Variants in ZNF507 observed in about 807,000 individuals in gnomAD.
The protein encoded by ZNF507 is zinc finger protein 507.
In ZNF507, 29 loss-of-function variants were observed where a neutral mutation model predicts 80.0. The observed-to-expected ratio is 0.36, with a 90% CI of 0.27 to 0.49. The LOEUF (loss-of-function observed/expected upper bound fraction) is 0.49. Among genes scored for constraint, ZNF507 ranks in the 20% least tolerant of loss-of-function variants. The pLI, the probability that ZNF507 is intolerant of heterozygous loss-of-function variation, is 0.98. For synonymous variants in ZNF507, 462 were observed against 422.5 expected (o/e 1.09, Z -1.15); for missense variants, 1,081 against 1,152.2 (o/e 0.94, Z 0.90).
rs1967230032 is a variant in ZNF507, at chr19:32,354,859, A to G, written c.2029A>G (p.Ile677Val). The change falls in exon 3 of 7, where the codon ATA (isoleucine) becomes GTA (valine). Residue 677 changes from isoleucine (I) to valine (V), a missense_variant. Coordinates refer to ENST00000355898, the MANE Select transcript of ZNF507 (RefSeq NM_001136156.2). ...TTATCAGTGTCCTATCTGCGAGCACATAGCGGACAACAGCAAAGATTTGGA... is the reference window on the plus strand; with the variant it reads ...TTATCAGTGTCCTATCTGCGAGCACGTAGCGGACAACAGCAAAGATTTGGA... ...QPYQCPICEH[I>V]ADNSKDLESH... is the part of the protein sequence containing the mutation. The G allele has an allele frequency of 3.7e-6, 6 of 1,614,206 alleles. No individual in the cohort carries two copies. Among genetic ancestry groups the G allele is most frequent in the Non-Finnish European group, 5.1e-6 (6 of 1,180,018 alleles).
In ZNF507 at chr19:32,354,317, C is replaced by T; in HGVS notation, c.1487C>T (p.Ala496Val). 1 of 1,614,154 alleles carries T rather than the reference C, an allele frequency of 6.2e-7. No individual in the cohort carries two copies. The highest frequency in any genetic ancestry group is 1.1e-5 in the South Asian group (1 of 91,078). ...GAGTCTCTTCGATTACACTCATTAGCTGCAGAAGCCCTTGTCACAATGCCT... is the reference window on the plus strand; with the variant it reads ...GAGTCTCTTCGATTACACTCATTAGTTGCAGAAGCCCTTGTCACAATGCCT... The part of the protein sequence containing the change: ...NSESLRLHSL[A>V]AEALVTMPIR... Residue 496 changes from alanine to valine, a missense_variant, in exon 3 of 7, where the codon GCT becomes GTT. Ala to Val is a moderately conservative substitution (Grantham distance 64). Coordinates refer to ENST00000355898, the MANE Select transcript of ZNF507 (RefSeq NM_001136156.2).
chr19:32,356,798 G>A, intron 4 of ZNF507, 65 bp downstream of exon 4: 1 of 1,241,248 alleles, frequency 8.1e-7, no homozygotes, highest in Admixed American at 1.7e-5. Flanking sequence ...GCCCTTAGTT[G>A]TCATGGTTGG....
intron 5 of ZNF507, among the ~76,000 whole-genome samples, chr19:32,377,117 C>CA (rs1434223163): frequency 6.9e-6 from 1 of 144,062 alleles, no homozygotes; most frequent in Non-Finnish European, 1.5e-5. Flanking sequence ...GGGCCTGACT[C>CA]ATGTCAGGCC....
intron 2 of ZNF507, among the ~76,000 whole-genome samples, chr19:32,349,179 A>G (rs1432036362): frequency 6.6e-6 from 1 of 152,230 alleles, no homozygotes; most frequent in Non-Finnish European, 1.5e-5. Context: ...GTAGAGAACC[A>G]GGACGATGAA....
rs1349018093 is a variant in ZNF507 at position 32,387,471 on chromosome 19, C to T, written c.*4388C>T. 8 of 152,318 alleles carry T rather than the reference C, an allele frequency of 5.3e-5. No homozygotes were observed. The East Asian group carries it at 1.5e-3, about 29-fold the overall frequency. 9.4% of individuals were successfully genotyped at this position (152,318 alleles called of 1,614,324 possible). Reference sequence around the variant, plus strand: ...AAAAACCCAATCTGAAACTGTGTCACTAACCTCCAAATTAAAGAATCCGAG... The same window carrying T: ...AAAAACCCAATCTGAAACTGTGTCATTAACCTCCAAATTAAAGAATCCGAG... On this transcript the variant is annotated 3_prime_UTR_variant, in exon 7 of 7. Transcript: ENST00000355898.
chr19:32,348,098 T>G (rs577668777), intron 2 of ZNF507, among the ~76,000 whole-genome samples: 12 of 152,324 alleles, frequency 7.9e-5, no homozygotes, highest in African/African-American at 2.9e-4. Context: ...CTTCACCCTC[T>G]TGTTTTACAT....
At position 32,360,618 on chromosome 19, in the gene ZNF507, G is replaced by A. The variant is rs1308004816; in HGVS notation, c.2360G>A (p.Arg787Lys). ...RRIHNSDKPY[R>K]CSLCGYVCSH... Reference sequence around the variant, plus strand: ...ATCCATAACTCTGATAAGCCGTACAGGTAAGTGTTATGATTCTAGAATTTT... The same window carrying A: ...ATCCATAACTCTGATAAGCCGTACAAGTAAGTGTTATGATTCTAGAATTTT... The change falls in exon 5 of 7, where the codon AGA (arginine) becomes AAA (lysine). Residue 787 changes from arginine (R) to lysine (K), a missense_variant and splice_region_variant. Arg to Lys is a conservative substitution (Grantham distance 26). Coordinates refer to ENST00000355898, the MANE Select transcript of ZNF507 (RefSeq NM_001136156.2). 4 of 1,518,246 alleles carry A rather than the reference G, an allele frequency of 2.6e-6. No individual in the cohort carries two copies. Among genetic ancestry groups the A allele is most frequent in the Middle Eastern group, 1.7e-4 (1 of 5,742 alleles). The allele number at this position is 1,518,246 out of a possible 1,614,324, so 94.0% of individuals were successfully genotyped here. A position where few individuals can be genotyped will look rare whatever the true frequency, so the allele number is the denominator to read the frequency against.
At position 32,382,803 on chromosome 19, in the gene ZNF507, T is replaced by C. The variant is rs748143289; in HGVS notation, c.2582T>C (p.Val861Ala). Residue 861 changes from valine (V) to alanine (A), a missense_variant, in exon 7 of 7, where the codon GTG becomes GCG. By Grantham distance (64) the Val-to-Ala change is moderately conservative. Coordinates refer to ENST00000355898, the MANE Select transcript of ZNF507 (RefSeq NM_001136156.2). Reference protein sequence around the residue: ...DPVTGSSENAVSSSELMSQTP... With the variant: ...DPVTGSSENAASSSELMSQTP... ...GTCACTGGAAGTTCAGAAAATGCAG[T>C]GTCATCTTCAGAACTGATGTCCCAG... is the stretch of plus-strand genomic sequence containing the variant. The C allele has an allele frequency of 6.8e-6, 11 of 1,614,158 alleles. No homozygotes were observed. Among genetic ancestry groups the C allele is most frequent in the Non-Finnish European group, 9.3e-6 (11 of 1,180,014 alleles).
chr19:32,372,423 TA>T (rs1967486271), intron 5 of ZNF507, among the ~76,000 whole-genome samples: 1 of 152,028 alleles, frequency 6.6e-6, no homozygotes, highest in South Asian at 2.1e-4. Flanking sequence ...TAACAATCCA[TA>T]AGCAAGGGGC....
At chr19:32,356,565 A>T in intron 3 of ZNF507, 51 bp from the exon 4 acceptor site, 1 of 1,318,230 alleles carries the variant, frequency 7.6e-7, no homozygotes, top group East Asian at 2.3e-5. Flanking sequence ...GCCTCCTAAG[A>T]GTTGGACATG....
chr19:32,363,721 AATTC>A (rs1288263802), intron 5 of ZNF507, among the ~76,000 whole-genome samples: 2 of 152,204 alleles, frequency 1.3e-5, no homozygotes, highest in Non-Finnish European at 2.9e-5. Context: ...TCTTCTCAAT[AATTC>A]ATTATCTAAC....
intron 4 of ZNF507, among the ~76,000 whole-genome samples, chr19:32,359,970 C>G (rs1967300615): frequency 6.6e-6 from 1 of 152,114 alleles, no homozygotes; most frequent in African/African-American, 2.4e-5. Flanking sequence ...TCCGGCAGTC[C>G]TCCCACCTCA....
chr19:32,354,597 C>G lies in ZNF507; in HGVS notation c.1767C>G (p.Thr589=), dbSNP rs61746864. ...CAGGCATCAGCATGTCCTTACTCAC[C>G]GTCATTGAAAAATTGAGAGAAAGGA... ...VKTGISMSLL[T]VIEKLRERTD... Residue 589 remains threonine, a synonymous_variant, in exon 3 of 7, where the codon ACC becomes ACG. Coordinates refer to ENST00000355898, the MANE Select transcript of ZNF507 (RefSeq NM_001136156.2). The G allele has an allele frequency of 1.3e-3, 2,153 of 1,614,038 alleles. 20 individuals are homozygous for G. In the African/African-American group the frequency reaches 0.026, roughly 19 times the overall value.
In ZNF507 at chr19:32,354,597, C is replaced by T. The variant is rs61746864; in HGVS notation, c.1767C>T (p.Thr589=). 31 of 1,613,924 alleles carry T rather than the reference C, an allele frequency of 1.9e-5. No individual in the cohort carries two copies. Among genetic ancestry groups the T allele is most frequent in the East Asian group, 6.7e-5 (3 of 44,888 alleles). ...VKTGISMSLL[T]VIEKLRERTD... ...CAGGCATCAGCATGTCCTTACTCAC[C>T]GTCATTGAAAAATTGAGAGAAAGGA... The change falls in exon 3 of 7, where the codon ACC becomes ACT. Residue 589 remains threonine, a synonymous_variant. Transcript: ENST00000355898.
At chr19:32,366,680 T>C (rs1967403636) in intron 5 of ZNF507, among the ~76,000 whole-genome samples, 1 of 152,264 alleles carries the variant, frequency 6.6e-6, no homozygotes, top group African/African-American at 2.4e-5. Context: ...TTCTTTTACA[T>C]GTTTTTGGGC....
intron 4 of ZNF507, chr19:32,357,036 A>C: frequency 4.0e-6 from 1 of 248,868 alleles, no homozygotes; most frequent in South Asian, 6.6e-5. Flanking sequence ...AAGCTACAAC[A>C]TGGAAAACAG....
At chr19:32,351,909 G>A (rs1832642276) in intron 2 of ZNF507, among the ~76,000 whole-genome samples, 1 of 152,112 alleles carries the variant, frequency 6.6e-6, no homozygotes, top group South Asian at 2.1e-4. Flanking sequence ...CTAGACTTAG[G>A]CAGAAAGATT....
At position 32,382,806 on chromosome 19, in the gene ZNF507, C is replaced by G; in HGVS notation, c.2585C>G (p.Ser862Ter). Residue 862 changes from serine (S) to a stop codon, truncating the protein, a stop_gained, in exon 7 of 7, where the codon TCA becomes TGA. Coordinates refer to ENST00000355898, the MANE Select transcript of ZNF507 (RefSeq NM_001136156.2). LOFTEE classifies it high-confidence loss of function. The part of the protein sequence containing the change: ...PVTGSSENAV[S>*]SSELMSQTPS... ...ACTGGAAGTTCAGAAAATGCAGTGT[C>G]ATCTTCAGAACTGATGTCCCAGACT... 6.2e-7 allele frequency: 1 copy of G among 1,614,124 alleles called. No homozygotes were observed. The highest frequency in any genetic ancestry group is 8.5e-7 in the Non-Finnish European group (1 of 1,180,022).
At chr19:32,349,743 C>T (rs1198814214) in intron 2 of ZNF507, among the ~76,000 whole-genome samples, 1 of 152,078 alleles carries the variant, frequency 6.6e-6, no homozygotes, top group African/African-American at 2.4e-5. Flanking sequence ...AGGTAACTTC[C>T]CCTCTGTGTA....
Sources: allele counts gnomAD v4.1 joint callset (sites outside exome capture counted in the v4.1 genomes callset), GRCh38; gene constraint gnomAD v4.1.1; transcripts MANE v1.5; gene names NCBI Gene and HGNC (gene_info 2026-07-23, HGNC 2026-07-21).